CD40: variants seen among roughly 807,000 people sequenced by gnomAD.
CD40 encodes the protein tumor necrosis factor receptor superfamily member 5.
Under a neutral mutation model 38.5 loss-of-function variants are expected in CD40, and 19 were observed. The observed-to-expected ratio is 0.49, with a 90% CI of 0.34 to 0.72. The LOEUF is 0.72. Among genes scored for constraint, CD40 ranks in the 30% least tolerant of loss-of-function variants. CD40 has a pLI of 0.01. For missense variants in CD40, 256 were observed against 344.1 expected (o/e 0.74, Z 2.03); for synonymous variants, 130 against 128.7 (o/e 1.01, Z -0.07).
Position 46,129,041 on chromosome 20 carries a change from G to T in CD40, c.*1G>T. ...CATCTCAGTGCAGGAGAGACAGTGA[G>T]GCTGCACCCACCCAGGAGTGTGGCC... On this transcript the variant is annotated 3_prime_UTR_variant, in exon 9 of 9. Coordinates refer to ENST00000372285, the MANE Select transcript of CD40 (RefSeq NM_001250.6). The T allele has an allele frequency of 6.2e-7, 1 of 1,614,100 alleles. No homozygotes were observed. The highest frequency in any genetic ancestry group is 1.1e-5 in the South Asian group (1 of 91,090).
In CD40 at chr20:46,122,102, G is replaced by A. The variant is rs1243835144; in HGVS notation, c.131-131G>A. The A allele has an allele frequency of 4.8e-6, 6 of 1,246,772 alleles. No individual in the cohort carries two copies. Among genetic ancestry groups the A allele is most frequent in the African/African-American group, 3.0e-5 (2 of 67,504 alleles). The allele number at this position is 1,246,772 out of a possible 1,614,324, so 77.2% of individuals were successfully genotyped here. On this transcript the variant is annotated intron_variant, in intron 2 of 8. Coordinates refer to ENST00000372285, the MANE Select transcript of CD40 (RefSeq NM_001250.6). The surrounding 1 kb of genome is among the most constrained non-coding windows in gnomAD (Gnocchi z 5.0). ...GGATCCCAGCTTCTCCATCTTCCTCGCCTGATTATGAAGGATCCAAGACTT... is the reference window on the plus strand; with the variant it reads ...GGATCCCAGCTTCTCCATCTTCCTCACCTGATTATGAAGGATCCAAGACTT...
At chr20:46,128,032 A>G (rs1683526410) in intron 6 of CD40, 106 bp from the exon 7 acceptor site, 1 of 1,602,898 alleles carries the variant, frequency 6.2e-7, no homozygotes. Flanking sequence ...TCTGATGTAG[A>G]TGAGCTCTGA....
At chr20:46,119,286 A>G (rs189195520) in intron 1 of CD40, among the ~76,000 whole-genome samples, 8 of 152,274 alleles carry the variant, frequency 5.3e-5, no homozygotes, top group African/African-American at 1.4e-4. Context: ...GCCTCCCCCT[A>G]CTTTAGAGGG....
In CD40 at chr20:46,129,762, A is replaced by G. The variant is rs563744583; in HGVS notation, c.*722A>G. 2.2e-4 allele frequency: 33 copies of G among 152,294 alleles called. No homozygotes were observed. Among genetic ancestry groups the G allele is most frequent in the Admixed American group, 7.8e-4 (12 of 15,300 alleles). The allele number at this position is 152,294 out of a possible 1,614,324, so 9.4% of individuals were successfully genotyped here. On this transcript the variant is annotated 3_prime_UTR_variant, in exon 9 of 9. Coordinates refer to ENST00000372285, the MANE Select transcript of CD40 (RefSeq NM_001250.6). ...GTCTGGGGGAGGGTTGGTTAAAGGG[A>G]GATTTGGCTTTCCCATAATGCTTCA...
chr20:46,128,766 C>T, intron 8 of CD40, 116 bp from the exon 9 acceptor site: 2 of 1,143,358 alleles, frequency 1.7e-6, no homozygotes, highest in Non-Finnish European at 2.6e-6. Context: ...CAGCACTGAC[C>T]CGCCGTCTGG....
chr20:46,128,553 G>T, intron 8 of CD40, 195 bp downstream of exon 8: 1 of 725,088 alleles, frequency 1.4e-6, no homozygotes, highest in South Asian at 1.5e-5. Flanking sequence ...ACTGCCCCTG[G>T]CACCACTGGC....
At chr20:46,118,747 T>A (rs1395891280) in intron 1 of CD40, among the ~76,000 whole-genome samples, 1 of 152,162 alleles carries the variant, frequency 6.6e-6, no homozygotes, top group Non-Finnish European at 1.5e-5. Context: ...GGGGCGGGTC[T>A]GGCCCGTTTC....
chr20:46,128,961 A>C lies in CD40; in HGVS notation c.755A>C (p.Gln252Pro). ...GGCTCCAACACTGCTGCTCCAGTGCAGGAGACTTTACATGGATGCCAACCG... is the reference window on the plus strand; with the variant it reads ...GGCTCCAACACTGCTGCTCCAGTGCCGGAGACTTTACATGGATGCCAACCG... ...LPGSNTAAPV[Q>P]ETLHGCQPVT... The change falls in exon 9 of 9, where the codon CAG becomes CCG. Residue 252 changes from glutamine (Q) to proline (P), a missense_variant. Coordinates refer to ENST00000372285, the MANE Select transcript of CD40 (RefSeq NM_001250.6). 1 of 1,614,160 alleles carries C rather than the reference A, an allele frequency of 6.2e-7. No individual in the cohort carries two copies. The highest frequency in any genetic ancestry group is 8.5e-7 in the Non-Finnish European group (1 of 1,179,986).
intron 5 of CD40, among the ~76,000 whole-genome samples, chr20:46,123,926 A>T (rs926249769): frequency 2.6e-5 from 4 of 152,200 alleles, no homozygotes; most frequent in African/African-American, 9.7e-5. Context: ...CCTGCATCGC[A>T]TAGCTTCATG....
rs1600655848 is a variant in CD40 at position 46,122,124 on chromosome 20, A to T, written c.131-109A>T. The stretch of plus-strand genomic sequence containing the variant: ...CTCGCCTGATTATGAAGGATCCAAG[A>T]CTTTCATCTTTGAATCCCCTACCCT... On this transcript the variant is annotated intron_variant, in intron 2 of 8. Coordinates refer to ENST00000372285, the MANE Select transcript of CD40 (RefSeq NM_001250.6). This position sits in a 1 kb window ranked among gnomAD's most constrained non-coding sequence, Gnocchi z 5.0. The T allele has an allele frequency of 2.9e-6, 4 of 1,393,858 alleles. No individual in the cohort carries two copies. In the East Asian group the frequency reaches 6.8e-5, roughly 24 times the overall value. 86.3% of individuals were successfully genotyped at this position (1,393,858 alleles called of 1,614,324 possible). A position where few individuals can be genotyped will look rare whatever the true frequency, so the allele number is the denominator to read the frequency against.
chr20:46,122,311 C>T lies in CD40; in HGVS notation c.209C>T (p.Thr70Ile), dbSNP rs747024806. ...LPCGESEFLD[T>I]WNRETHCHQH... is the part of the protein sequence containing the mutation. Reference sequence around the variant, plus strand: ...TGCGGTGAAAGCGAATTCCTAGACACCTGGAACAGAGAGACACACTGCCAC... The same window carrying T: ...TGCGGTGAAAGCGAATTCCTAGACATCTGGAACAGAGAGACACACTGCCAC... The change falls in exon 3 of 9, where the codon ACC (threonine) becomes ATC (isoleucine). Residue 70 changes from threonine to isoleucine, a missense_variant. Thr to Ile is a moderately conservative substitution (Grantham distance 89, BLOSUM62 -1). Coordinates refer to ENST00000372285, the MANE Select transcript of CD40 (RefSeq NM_001250.6). This position sits in a 1 kb window ranked among gnomAD's most constrained non-coding sequence, Gnocchi z 5.0. 6.2e-7 allele frequency: 1 copy of T among 1,614,162 alleles called. No individual in the cohort carries two copies. The highest frequency in any genetic ancestry group is 8.5e-7 in the Non-Finnish European group (1 of 1,180,048).
chr20:46,129,399 G>T lies in CD40; in HGVS notation c.*359G>T. ...CATCATGGTGGCTTCCCTGCGCCCA[G>T]GAAGCCATATACACAGATGCCCATT... On this transcript the variant is annotated 3_prime_UTR_variant, in exon 9 of 9. Coordinates refer to ENST00000372285, the MANE Select transcript of CD40 (RefSeq NM_001250.6). The T allele has an allele frequency of 2.9e-6, 1 of 350,378 alleles. No homozygotes were observed. The highest frequency in any genetic ancestry group is 5.6e-6 in the Non-Finnish European group (1 of 179,186). 21.7% of individuals were successfully genotyped at this position (350,378 alleles called of 1,614,324 possible). A position where few individuals can be genotyped will look rare whatever the true frequency, so the allele number is the denominator to read the frequency against.
chr20:46,123,268 C>A, intron 5 of CD40, 49 bp downstream of exon 5: 1 of 1,361,326 alleles, frequency 7.3e-7, no homozygotes, highest in Non-Finnish European at 1.1e-6. Flanking sequence ...TGGCATGGAG[C>A]TGCCTCCATT....
intron 6 of CD40, 62 bp from the exon 7 acceptor site, chr20:46,128,076 C>A (rs2085471199): frequency 6.2e-7 from 1 of 1,613,690 alleles, no homozygotes; most frequent in African/African-American, 1.3e-5. Flanking sequence ...CAAGTCACAG[C>A]AGGTTGAGGG....
chr20:46,124,765 T>G (rs879902807), intron 5 of CD40, among the ~76,000 whole-genome samples: 9,656 of 104,920 alleles, frequency 0.092, 760 homozygotes, highest in East Asian at 0.35. Flanking sequence ...TTTTTTTTTT[T>G]TTTTTTTTTT....
chr20:46,129,215 A>G lies in CD40; in HGVS notation c.*175A>G, dbSNP rs1600668846. ...AGGAGACCTGGCACTGGATGCAGAAACAGTTCACCTTGAAGAACCTCTCAC... is the reference window on the plus strand; with the variant it reads ...AGGAGACCTGGCACTGGATGCAGAAGCAGTTCACCTTGAAGAACCTCTCAC... On this transcript the variant is annotated 3_prime_UTR_variant, in exon 9 of 9. Coordinates refer to ENST00000372285, the MANE Select transcript of CD40 (RefSeq NM_001250.6). 8 of 693,592 alleles carry G rather than the reference A, an allele frequency of 1.2e-5. No homozygotes were observed. The East Asian group carries it at 1.9e-4, about 17-fold the overall frequency. 43.0% of individuals were successfully genotyped at this position (693,592 alleles called of 1,614,324 possible).
At chr20:46,121,762 T>C (rs1325014778) in intron 1 of CD40, 58 bp from the exon 2 acceptor site, 1 of 1,334,526 alleles carries the variant, frequency 7.5e-7, no homozygotes, top group South Asian at 1.2e-5. Context: ...ACCTTTCTGC[T>C]GAAGAAGTTG....
chr20:46,123,227 C>A lies in CD40; in HGVS notation c.497+8C>A. The A allele has an allele frequency of 6.2e-7, 1 of 1,601,434 alleles. No individual in the cohort carries two copies. The highest frequency in any genetic ancestry group is 8.6e-7 in the Non-Finnish European group (1 of 1,168,352). ...ATGTCACCCTTGGACAAGGTATAAGCACTCATCCCTTGTGTTTCCTGCTCT... is the reference window on the plus strand; with the variant it reads ...ATGTCACCCTTGGACAAGGTATAAGAACTCATCCCTTGTGTTTCCTGCTCT... On this transcript the variant is annotated splice_region_variant and intron_variant, in intron 5 of 8. Transcript: ENST00000372285.
At chr20:46,119,589 C>G (rs1026677222) in intron 1 of CD40, among the ~76,000 whole-genome samples, 1 of 152,138 alleles carries the variant, frequency 6.6e-6, no homozygotes, top group African/African-American at 2.4e-5. Flanking sequence ...AACTTTGGCT[C>G]CAGGTAGAGG....
Sources: allele counts gnomAD v4.1 joint callset (sites outside exome capture counted in the v4.1 genomes callset), GRCh38; gene constraint gnomAD v4.1.1; non-coding constraint Gnocchi (gnomAD v3.1); transcripts MANE v1.5; gene names NCBI Gene and HGNC (gene_info 2026-07-23, HGNC 2026-07-21).